Variants in RASGEF1A observed in about 807,000 individuals in gnomAD.
RASGEF1A encodes RasGEF domain family member 1A.
A neutral mutation model predicts 56.4 loss-of-function variants in RASGEF1A; 18 were observed. That is an observed-to-expected ratio of 0.32 (90% CI 0.22 to 0.47). RASGEF1A has a LOEUF of 0.47. Ranked by LOEUF, RASGEF1A falls within the 20% of genes least tolerant of loss-of-function variation. The pLI, the probability that RASGEF1A is intolerant of heterozygous loss-of-function variation, is 1.00. For synonymous variants in RASGEF1A, 245 were observed against 242.6 expected (o/e 1.01, Z -0.09); for missense variants, 422 against 627.1 (o/e 0.67, Z 3.49).
chr10:43,243,430 C>T (rs1320322726), intron 1 of RASGEF1A, among the ~76,000 whole-genome samples: 7 of 145,794 alleles, frequency 4.8e-5, no homozygotes, highest in African/African-American at 1.8e-4. Context: ...AAGTGAGGGG[C>T]GTCTCTGCCC....
chr10:43,208,910 G>A, intron 1 of RASGEF1A: 1 of 985,592 alleles, frequency 1.0e-6, no homozygotes, highest in Non-Finnish European at 1.2e-6. Flanking sequence ...CTTGTTCCTG[G>A]GTGCATCTGG....
In RASGEF1A at chr10:43,200,691, G is replaced by A; in HGVS notation, c.657C>T (p.Ala219=). Residue 219 remains alanine (A), a synonymous_variant, in exon 5 of 13, where the codon GCC becomes GCT. Coordinates refer to ENST00000395810, the MANE Select transcript of RASGEF1A (RefSeq NM_145313.4). ...LGVCCDPLVL[A]QQLTHIELDR... is the part of the protein sequence containing the mutation. The stretch of plus-strand genomic sequence containing the variant: ...CCAGCTCAATGTGAGTCAGCTGCTG[G>A]GCCAGCACCAGGGGGTCGCAGCACA... The A allele has an allele frequency of 6.2e-7, 1 of 1,612,958 alleles. No homozygotes were observed. The highest frequency in any genetic ancestry group is 1.7e-4 in the Middle Eastern group (1 of 5,950).
At position 43,198,005 on chromosome 10, in the gene RASGEF1A, T is replaced by C; in HGVS notation, c.1223A>G (p.Lys408Arg). The C allele has an allele frequency of 6.2e-7, 1 of 1,609,872 alleles. No homozygotes were observed. The highest frequency in any genetic ancestry group is 8.5e-7 in the Non-Finnish European group (1 of 1,176,836). Residue 408 changes from lysine (K) to arginine (R), a missense_variant and splice_region_variant, in exon 10 of 13, where the codon AAG (lysine) becomes AGG (arginine). Transcript: ENST00000395810. ...NHLPNGHINF[K>R]KFWEISRQIH... ...TGCCCTGTGCTGGGATGAGCTCACCTTAAAGTTAATGTGCCCGTTGGGCAG... is the reference window on the plus strand; with the variant it reads ...TGCCCTGTGCTGGGATGAGCTCACCCTAAAGTTAATGTGCCCGTTGGGCAG...
chr10:43,239,498 A>C (rs1206429790), intron 1 of RASGEF1A, among the ~76,000 whole-genome samples: 3 of 152,210 alleles, frequency 2.0e-5, no homozygotes, highest in Admixed American at 6.5e-5. Flanking sequence ...AATTAACTAA[A>C]CGCTTGCAGA....
At chr10:43,213,476 AC>A (rs1807167412) in intron 1 of RASGEF1A, among the ~76,000 whole-genome samples, 1 of 152,132 alleles carries the variant, frequency 6.6e-6, no homozygotes, top group Non-Finnish European at 1.5e-5. Flanking sequence ...GATCTGAGAA[AC>A]TTTCCAGCCT....
At chr10:43,240,651 G>A (rs1001388858) in intron 1 of RASGEF1A, among the ~76,000 whole-genome samples, 12 of 152,016 alleles carry the variant, frequency 7.9e-5, no homozygotes, top group Admixed American at 1.3e-4. Context: ...TTGAAAAAAC[G>A]TCCATTGAGA....
intron 1 of RASGEF1A, among the ~76,000 whole-genome samples, chr10:43,265,908 C>T (rs1374190901): frequency 2.6e-5 from 4 of 152,218 alleles, no homozygotes; most frequent in South Asian, 2.1e-4. Context: ...CAGGATCCTG[C>T]GGCCGACGGC....
chr10:43,231,452 C>A (rs1202672343), intron 1 of RASGEF1A, among the ~76,000 whole-genome samples: 2 of 152,176 alleles, frequency 1.3e-5, no homozygotes, highest in African/African-American at 2.4e-5. Flanking sequence ...GCCTCCTGAC[C>A]CCAGAGCAAG....
chr10:43,246,654 T>C (rs1021934056), intron 1 of RASGEF1A, among the ~76,000 whole-genome samples: 1 of 152,142 alleles, frequency 6.6e-6, no homozygotes, highest in African/African-American at 2.4e-5. Context: ...CAGAGTGTCA[T>C]AATAATCTAA....
At chr10:43,225,576 G>GTGTGT (rs1554827209) in intron 1 of RASGEF1A, among the ~76,000 whole-genome samples, 3 of 146,086 alleles carry the variant, frequency 2.1e-5, no homozygotes, top group African/African-American at 7.5e-5. Context: ...TCTGTGTATG[G>GTGTGT]GTGTGTGTGT....
intron 1 of RASGEF1A, among the ~76,000 whole-genome samples, chr10:43,225,032 GT>G (rs1304685790): frequency 6.6e-6 from 1 of 151,824 alleles, no homozygotes; most frequent in Non-Finnish European, 1.5e-5. Flanking sequence ...GTCTCTGTAT[GT>G]GTCTGTGTGT....
chr10:43,199,176 G>A lies in RASGEF1A; in HGVS notation c.868C>T (p.Arg290Trp). 6 of 1,611,076 alleles carry A rather than the reference G, an allele frequency of 3.7e-6. No homozygotes were observed. The highest frequency in any genetic ancestry group is 3.4e-6 in the Non-Finnish European group (4 of 1,178,572). ...ATGAAGAACTCCAACATGCGGGTCC[G>A]GTGTTTCTTCTTCACCACCTGGAAG... is the stretch of plus-strand genomic sequence containing the variant. ...EVCRVVKKKH[R>W]TRMLEFFIDV... The change falls in exon 8 of 13, where the codon CGG becomes TGG. Residue 290 changes from arginine to tryptophan, a missense_variant. This residue lies in a region of RASGEF1A where 149 missense variants were observed against 287.2 expected (regional missense o/e 0.52). Transcript: ENST00000395810.
intron 1 of RASGEF1A, among the ~76,000 whole-genome samples, chr10:43,257,101 C>T (rs912170493): frequency 1.3e-5 from 2 of 152,232 alleles, no homozygotes; most frequent in African/African-American, 4.8e-5. Flanking sequence ...CAACTTTCCA[C>T]TCTCCAATGG....
chr10:43,208,742 G>C (rs184386105), intron 1 of RASGEF1A: 2 of 985,594 alleles, frequency 2.0e-6, no homozygotes, highest in African/African-American at 3.5e-5. Context: ...GATGCCCCAT[G>C]AGCCCCTACC....
chr10:43,261,773 C>T (rs990885578), intron 1 of RASGEF1A, among the ~76,000 whole-genome samples: 2 of 152,154 alleles, frequency 1.3e-5, no homozygotes, highest in East Asian at 1.9e-4. Flanking sequence ...GAGCCTGGCT[C>T]GGGGCTGCAC....
chr10:43,231,498 G>C (rs1313838430), intron 1 of RASGEF1A, among the ~76,000 whole-genome samples: 4 of 152,204 alleles, frequency 2.6e-5, no homozygotes, highest in African/African-American at 9.7e-5. Flanking sequence ...ACACTCTAGA[G>C]GAGGTGGTGG....
At chr10:43,203,254 C>T (rs1839937338) in intron 3 of RASGEF1A, 44 bp downstream of exon 3, 1 of 1,535,572 alleles carries the variant, frequency 6.5e-7, no homozygotes, top group Non-Finnish European at 8.8e-7. Flanking sequence ...ACCTCGCCTC[C>T]TGCCCCCTGC....
intron 1 of RASGEF1A, among the ~76,000 whole-genome samples, chr10:43,261,130 G>A (rs970030878): frequency 2.6e-5 from 4 of 152,174 alleles, no homozygotes; most frequent in Admixed American, 2.6e-4. Context: ...TCTGGGAAGT[G>A]GTTCTGGCTG....
intron 3 of RASGEF1A, chr10:43,202,648 G>A: frequency 2.2e-6 from 1 of 459,814 alleles, no homozygotes. Flanking sequence ...CCCGCCCCCG[G>A]CCCCCGCACC....
Sources: gnomAD v4.1 joint callset for allele counts (sites outside exome capture counted in the v4.1 genomes callset) on GRCh38, gnomAD v4.1.1 for gene constraint, gnomAD v4.1.1 regional missense constraint, MANE v1.5 for transcripts, NCBI Gene and HGNC (gene_info 2026-07-23, HGNC 2026-07-21) for gene names.